USP33: variants seen among roughly 807,000 people sequenced by gnomAD.
USP33 encodes the protein ubiquitin specific peptidase 33.
In USP33, 46 loss-of-function variants were observed where a neutral mutation model predicts 124.2. That is an observed-to-expected ratio of 0.37 (90% confidence interval 0.29 to 0.47). The LOEUF (loss-of-function observed/expected upper bound fraction) is 0.47, where lower values mean the gene tolerates loss of function less well. Ranked by LOEUF, USP33 falls within the 20% of genes least tolerant of loss-of-function variation. The probability of loss-of-function intolerance (pLI) is 0.99; values close to 1 mark genes in which losing one functional copy is unlikely to be tolerated. For missense variants in USP33, 851 were observed against 1,070.6 expected (o/e 0.79, Z 2.86); for synonymous variants, 350 against 352.3 (o/e 0.99, Z 0.07).
chr1:77,697,431 C>A lies in USP33; in HGVS notation c.2622G>T (p.Leu874=). 6.2e-6 allele frequency: 10 copies of A among 1,607,026 alleles called. No individual in the cohort carries two copies. Among genetic ancestry groups the A allele is most frequent in the Non-Finnish European group, 8.5e-6 (10 of 1,178,426 alleles). ...CAGGCCCTCCACCATAAATAGACTG[C>A]AGAAAATTCCATGTTTCTTCAGAAA... ...GQISEETWNF[L]QSIYGGGPEV... Residue 874 remains leucine (L), a synonymous_variant, in exon 24 of 24, where the codon CTG becomes CTT. Transcript: ENST00000370794.
In USP33 at chr1:77,759,569, G is replaced by T. The variant is rs544557183; in HGVS notation, c.-52+74C>A. Reference sequence around the variant, plus strand: ...CCGCAACCCCAGCGCGCGGAAGCGAGAACAGAGACCGGACCCCGGACGCGA... The same window carrying T: ...CCGCAACCCCAGCGCGCGGAAGCGATAACAGAGACCGGACCCCGGACGCGA... On this transcript the variant is annotated intron_variant, in intron 1 of 23. Coordinates refer to ENST00000370794, the MANE Select transcript of USP33 (RefSeq NM_201624.3). The T allele has an allele frequency of 4.5e-5, 18 of 398,132 alleles. No homozygotes were observed. The East Asian group carries it at 6.4e-4, about 14-fold the overall frequency. The allele number at this position is 398,132 out of a possible 1,614,324, so 24.7% of individuals were successfully genotyped here.
intron 1 of USP33, among the ~76,000 whole-genome samples, chr1:77,754,944 T>A (rs1680664134): frequency 6.6e-6 from 1 of 152,234 alleles, no homozygotes; most frequent in Admixed American, 6.5e-5. Context: ...TAAAGATTTT[T>A]AAAAATCTGT....
At chr1:77,708,839 T>C (rs559114729) in intron 21 of USP33, among the ~76,000 whole-genome samples, 1 of 152,152 alleles carries the variant, frequency 6.6e-6, no homozygotes. Flanking sequence ...CACATAATTT[T>C]GATTTTGTTT....
intron 21 of USP33, among the ~76,000 whole-genome samples, chr1:77,703,026 A>G (rs1674219655): frequency 6.6e-6 from 1 of 152,098 alleles, no homozygotes; most frequent in Non-Finnish European, 1.5e-5. Flanking sequence ...CAGATTATAT[A>G]ATTCCTCTAA....
chr1:77,741,381 G>A lies in USP33; in HGVS notation c.130C>T (p.Leu44=), dbSNP rs1316019424. Residue 44 remains leucine, a synonymous_variant, in exon 3 of 24, where the codon CTG becomes TTG. Transcript: ENST00000370794. ...KVQGPNLWAC[L]ENRCSYVGCG... Reference sequence around the variant, plus strand: ...AGGAAAAAACATATACACACCTCCAGACATGCCCAAAGATTTGGTCCTTGG... The same window carrying A: ...AGGAAAAAACATATACACACCTCCAAACATGCCCAAAGATTTGGTCCTTGG... 2.5e-6 allele frequency: 4 copies of A among 1,608,026 alleles called. No individual in the cohort carries two copies. Among genetic ancestry groups the A allele is most frequent in the East Asian group, 2.2e-5 (1 of 44,622 alleles).
intron 8 of USP33, 52 bp from the exon 9 acceptor site, chr1:77,729,990 T>A: frequency 6.8e-7 from 1 of 1,473,196 alleles, no homozygotes; most frequent in Non-Finnish European, 9.3e-7. Flanking sequence ...TTAATTTTCA[T>A]TTTAAAAATT....
intron 21 of USP33, among the ~76,000 whole-genome samples, chr1:77,711,186 G>A (rs1675206092): frequency 6.6e-6 from 1 of 151,316 alleles, no homozygotes; most frequent in Admixed American, 6.6e-5. Context: ...TTCTGCCAGT[G>A]CCAATACATT....
intron 22 of USP33, 134 bp from the exon 23 acceptor site, chr1:77,698,065 A>T: frequency 1.6e-6 from 1 of 628,638 alleles, no homozygotes; most frequent in Middle Eastern, 4.7e-4. Flanking sequence ...ATTATAGTTA[A>T]TTCTTTTTTT....
At chr1:77,741,355 C>A in intron 3 of USP33, 21 bp downstream of exon 3, 1 of 1,577,866 alleles carries the variant, frequency 6.3e-7, no homozygotes, top group Non-Finnish European at 8.6e-7. Context: ...GCAATCTTTT[C>A]AGGAAAAAAC....
At chr1:77,740,253 A>T (rs566807462) in intron 4 of USP33, among the ~76,000 whole-genome samples, 76 of 152,324 alleles carry the variant, frequency 5.0e-4, no homozygotes, top group African/African-American at 1.8e-3. Context: ...CTGAGACTTA[A>T]AGAAGTTAGC....
At chr1:77,739,166 G>T in intron 5 of USP33, 99 bp downstream of exon 5, 1 of 1,400,610 alleles carries the variant, frequency 7.1e-7, no homozygotes, top group African/African-American at 1.4e-5. Context: ...CAAAGTACAG[G>T]TTAGGCAGTA....
rs116195958 is a variant in USP33, at chr1:77,741,583, T to C, written c.81+34A>G. On this transcript the variant is annotated intron_variant, in intron 2 of 23. Coordinates refer to ENST00000370794, the MANE Select transcript of USP33 (RefSeq NM_201624.3). ...ATTACACATTCAAGAGAAAAGTGAA[T>C]AGTTTTTCAAGGAAGAAAAAACCTG... 9,897 of 1,564,270 alleles carry C rather than the reference T, an allele frequency of 6.3e-3. 47 individuals are homozygous for C. Among genetic ancestry groups the C allele is most frequent in the Non-Finnish European group, 8.1e-3 (9,446 of 1,160,382 alleles).
chr1:77,730,032 T>C (rs1677625736), intron 8 of USP33, 94 bp from the exon 9 acceptor site: 9 of 1,175,514 alleles, frequency 7.7e-6, no homozygotes, highest in Non-Finnish European at 1.1e-5. Flanking sequence ...TTAAATAAAT[T>C]GAAAAGTATG....
chr1:77,755,431 C>G (rs530333046), intron 1 of USP33, among the ~76,000 whole-genome samples: 1 of 152,334 alleles, frequency 6.6e-6, no homozygotes, highest in South Asian at 2.1e-4. Context: ...CATGGCAGCT[C>G]ATGCCTGTAA....
At chr1:77,705,752 G>A (rs1458255834) in intron 21 of USP33, among the ~76,000 whole-genome samples, 1 of 151,862 alleles carries the variant, frequency 6.6e-6, no homozygotes, top group African/African-American at 2.4e-5. Context: ...TTATAGTTGT[G>A]CAACTGTCAC....
intron 11 of USP33, among the ~76,000 whole-genome samples, chr1:77,725,308 T>C (rs1677035852): frequency 6.6e-6 from 1 of 152,212 alleles, no homozygotes; most frequent in Non-Finnish European, 1.5e-5. Flanking sequence ...TACAAAGTAG[T>C]ACTATGCAGG....
In USP33 at chr1:77,730,717, T is replaced by C. The variant is rs752213659; in HGVS notation, c.539A>G (p.Gln180Arg). Residue 180 changes from glutamine to arginine, a missense_variant, in exon 8 of 24, where the codon CAG (glutamine) becomes CGG (arginine). This residue lies in a region of USP33 where 221 missense variants were observed against 302.9 expected (regional missense o/e 0.73). Transcript: ENST00000370794. ...TAGTCCTCCACAATCAAGAAAAAAC[T>C]GTGTCAAAGGTGGGCTAATTTTAAA... ...QALSNCPPLT[Q>R]FFLDCGGLAR... 9.5e-6 allele frequency: 15 copies of C among 1,576,764 alleles called. No homozygotes were observed. The highest frequency in any genetic ancestry group is 1.3e-5 in the Non-Finnish European group (15 of 1,161,492).
chr1:77,709,180 C>G (rs1674957110), intron 21 of USP33, among the ~76,000 whole-genome samples: 1 of 152,040 alleles, frequency 6.6e-6, no homozygotes, highest in Non-Finnish European at 1.5e-5. Flanking sequence ...GATGCAGTAT[C>G]TCCTATTTTA....
intron 21 of USP33, among the ~76,000 whole-genome samples, chr1:77,711,106 A>G (rs1314818676): frequency 6.6e-6 from 1 of 152,208 alleles, no homozygotes; most frequent in African/African-American, 2.4e-5. Context: ...TCAAAGTAGT[A>G]CATGCAGTCT....
Sources: gnomAD v4.1 joint callset for allele counts (sites outside exome capture counted in the v4.1 genomes callset) on GRCh38, gnomAD v4.1.1 for gene constraint, gnomAD v4.1.1 regional missense constraint, MANE v1.5 for transcripts, NCBI Gene and HGNC (gene_info 2026-07-23, HGNC 2026-07-21) for gene names.